The following BCL9L variants were observed in gnomAD, a reference collection of about 807,000 sequenced individuals.
BCL9L encodes B-cell CLL/lymphoma 9-like protein.
A neutral mutation model predicts 99.4 loss-of-function variants in BCL9L; 19 were observed. The observed-to-expected ratio is 0.19, with a 90% CI of 0.13 to 0.28. BCL9L has a LOEUF of 0.28. Among genes scored for constraint, BCL9L ranks in the 10% least tolerant of loss-of-function variants. The pLI, the probability that BCL9L is intolerant of heterozygous loss-of-function variation, is 1.00. For synonymous variants in BCL9L, 900 were observed against 854.8 expected (o/e 1.05, Z -0.92); for missense variants, 2,023 against 2,101.6 (o/e 0.96, Z 0.73).
chr11:118,903,768 G>A lies in BCL9L; in HGVS notation c.533-316C>T, dbSNP rs1452323449. Among the ~76,000 whole-genome samples, 1 of 152,190 alleles carries A rather than the reference G, an allele frequency of 6.6e-6. No homozygotes were observed. Among genetic ancestry groups the A allele is most frequent in the East Asian group, 1.9e-4 (1 of 5,194 alleles). On this transcript the variant is annotated intron_variant, in intron 5 of 9. Coordinates refer to ENST00000683865, the MANE Select transcript of BCL9L (RefSeq NM_001378213.1). This position sits in a 1 kb window ranked among gnomAD's most constrained non-coding sequence, Gnocchi z 5.6. ...GTCACACACTCCACTTAACAAAGGA[G>A]GAAATAAGTTCCTCACCCACAGTTA...
chr11:118,913,021 C>T (rs1042821946), intron 2 of BCL9L, among the ~76,000 whole-genome samples: 2 of 152,120 alleles, frequency 1.3e-5, no homozygotes, highest in African/African-American at 2.4e-5. Flanking sequence ...GGTGACTCAG[C>T]GGGCAGGGAG....
Position 118,908,364 on chromosome 11 carries a change from C to G in BCL9L, c.318G>C (p.Ser106=). Residue 106 remains serine, a synonymous_variant, in exon 4 of 10, where the codon TCG becomes TCC. Coordinates refer to ENST00000683865, the MANE Select transcript of BCL9L (RefSeq NM_001378213.1). ...GGTCCCTCTTCACCTTGCCCTTGAGCGAGCTGAAAGGGGGCACCCCTGCCT... is the reference window on the plus strand; with the variant it reads ...GGTCCCTCTTCACCTTGCCCTTGAGGGAGCTGAAAGGGGGCACCCCTGCCT... The part of the protein sequence containing the change: ...NPQAGVPPFS[S]LKGKVKRDRS... The G allele has an allele frequency of 6.2e-7, 1 of 1,613,502 alleles. No individual in the cohort carries two copies. The highest frequency in any genetic ancestry group is 8.5e-7 in the Non-Finnish European group (1 of 1,179,662).
Position 118,921,693 on chromosome 11 carries a change from G to A in BCL9L, c.-130-2814C>T, listed in dbSNP as rs1941145546. On this transcript the variant is annotated intron_variant, in intron 1 of 9. Transcript: ENST00000683865. This position sits in a 1 kb window ranked among gnomAD's most constrained non-coding sequence, Gnocchi z 5.4. ...CTGCAAAGGAGAGGCCTCTGCTTTT[G>A]CCACTGACAGGAAAAGTGAGAAGGC... Among the ~76,000 whole-genome samples the A allele has an allele frequency of 6.6e-6, 1 of 152,118 alleles. No individual in the cohort carries two copies. The highest frequency in any genetic ancestry group is 1.5e-5 in the Non-Finnish European group (1 of 68,014).
In BCL9L at chr11:118,903,423, C is replaced by T; in HGVS notation, c.562G>A (p.Ala188Thr). 1 of 1,613,002 alleles carries T rather than the reference C, an allele frequency of 6.2e-7. No homozygotes were observed. The highest frequency in any genetic ancestry group is 1.7e-5 in the Admixed American group (1 of 59,958). ...NCNVADPAMA[A>T]PQLGPGQTTQ... The stretch of plus-strand genomic sequence containing the variant: ...GTTTGGCCGGGACCCAGCTGTGGGG[C>T]CGCCATGGCTGGGTCTGCTACATTA... Residue 188 changes from alanine to threonine, a missense_variant, in exon 6 of 10, where the codon GCC becomes ACC. By Grantham distance (58) the Ala-to-Thr change is moderately conservative. Coordinates refer to ENST00000683865, the MANE Select transcript of BCL9L (RefSeq NM_001378213.1). This position sits in a 1 kb window ranked among gnomAD's most constrained non-coding sequence, Gnocchi z 5.6.
At position 118,900,447 on chromosome 11, in the gene BCL9L, T is replaced by C. The variant is rs1320354669; in HGVS notation, c.3124+172A>G. On this transcript the variant is annotated intron_variant, in intron 8 of 9. Coordinates refer to ENST00000683865, the MANE Select transcript of BCL9L (RefSeq NM_001378213.1). This position sits in a 1 kb window ranked among gnomAD's most constrained non-coding sequence, Gnocchi z 5.3. ...ACTCAAAATGCCTGGGAGACTCACG[T>C]GGTACCCCCTGAGAAAGCCCACAAA... 6.6e-6 allele frequency among the ~76,000 whole-genome samples: 1 copy of C among 152,106 alleles called. No individual in the cohort carries two copies. The highest frequency in any genetic ancestry group is 1.5e-5 in the Non-Finnish European group (1 of 68,014).
rs1002602581 is a variant in BCL9L at position 118,921,987 on chromosome 11, G to A, written c.-130-3108C>T. On this transcript the variant is annotated intron_variant, in intron 1 of 9. Coordinates refer to ENST00000683865, the MANE Select transcript of BCL9L (RefSeq NM_001378213.1). The surrounding 1 kb of genome is among the most constrained non-coding windows in gnomAD (Gnocchi z 5.4). ...GAGCAGGCTGTGGGCATCCCCCTGG[G>A]AACCCAAGGCTTTCTTCCTCTCCAC... Among the ~76,000 whole-genome samples, 4 of 152,130 alleles carry A rather than the reference G, an allele frequency of 2.6e-5. No homozygotes were observed. The highest frequency in any genetic ancestry group is 7.2e-5 in the African/African-American group (3 of 41,410).
In BCL9L at chr11:118,901,407, T is replaced by C; in HGVS notation, c.2336A>G (p.Asn779Ser). 1.9e-6 allele frequency: 3 copies of C among 1,614,030 alleles called. No individual in the cohort carries two copies. Among genetic ancestry groups the C allele is most frequent in the East Asian group, 2.2e-5 (1 of 44,848 alleles). Residue 779 changes from asparagine (N) to serine (S), a missense_variant, in exon 8 of 10, where the codon AAC becomes AGC. Around this residue, in one of 3 missense-constraint regions of BCL9L, gnomAD observed 1,116 missense variants for 1,194.6 expected, o/e 0.93. Transcript: ENST00000683865. This position sits in a 1 kb window ranked among gnomAD's most constrained non-coding sequence, Gnocchi z 6.6. ...NLNMNMNVNM[N>S]MNMNLNVQMT... ...CTGCACGTTCAGGTTCATGTTCATG[T>C]TCATGTTGACATTCATGTTCATGTT... is the stretch of plus-strand genomic sequence containing the variant.
In BCL9L at chr11:118,918,565, C is replaced by G. The variant is rs375174507; in HGVS notation, c.-77+261G>C. 4.6e-5 allele frequency among the ~76,000 whole-genome samples: 7 copies of G among 151,958 alleles called. No homozygotes were observed. The East Asian group carries it at 1.4e-3, about 29-fold the overall frequency. ...GGGCTGGACTCTCACTGGAGCCTGGCTCTAACCCCTCCCAGCCCGGCCCCA... is the reference window on the plus strand; with the variant it reads ...GGGCTGGACTCTCACTGGAGCCTGGGTCTAACCCCTCCCAGCCCGGCCCCA... On this transcript the variant is annotated intron_variant, in intron 2 of 9. Coordinates refer to ENST00000683865, the MANE Select transcript of BCL9L (RefSeq NM_001378213.1).
rs35636302 is a variant in BCL9L, at chr11:118,897,757, CTTTT to C, written c.*654_*657del. The C allele has an allele frequency of 1.2e-5, 5 of 415,234 alleles. No individual in the cohort carries two copies. Among genetic ancestry groups the C allele is most frequent in the Non-Finnish European group, 2.4e-5 (5 of 208,310 alleles). 25.7% of individuals were successfully genotyped at this position (415,234 alleles called of 1,614,324 possible). ...GAAGGGGGGAAGGGTTTCTTTTATC[CTTTT>C]TTTTTTGTGTGACTTCTATCAAAAC... is the stretch of plus-strand genomic sequence containing the variant. On this transcript the variant is annotated 3_prime_UTR_variant, in exon 10 of 10. Coordinates refer to ENST00000683865, the MANE Select transcript of BCL9L (RefSeq NM_001378213.1).
Position 118,898,420 on chromosome 11 carries a change from A to T in BCL9L, c.4495T>A (p.Phe1499Ile). ...PAPGGMANLP[F>I] The stretch of plus-strand genomic sequence containing the variant: ...TCCAGCCCTGGCAGCGACTTCTAGA[A>T]GGGCAGGTTGGCCATGCCGCCTGGT... The change falls in exon 10 of 10, where the codon TTC (phenylalanine) becomes ATC (isoleucine). Residue 1499 changes from phenylalanine to isoleucine, a missense_variant. Transcript: ENST00000683865. 1 of 1,601,348 alleles carries T rather than the reference A, an allele frequency of 6.2e-7. No individual in the cohort carries two copies. The highest frequency in any genetic ancestry group is 1.1e-5 in the South Asian group (1 of 90,512).
chr11:118,906,811 C>A (rs1348427247), intron 5 of BCL9L, among the ~76,000 whole-genome samples: 3 of 152,104 alleles, frequency 2.0e-5, no homozygotes, highest in Non-Finnish European at 4.4e-5. Flanking sequence ...TGACAGCCAC[C>A]ACACCCAGCC....
intron 1 of BCL9L, among the ~76,000 whole-genome samples, chr11:118,919,264 A>C (rs1941077090): frequency 6.6e-6 from 1 of 151,338 alleles, no homozygotes; most frequent in African/African-American, 2.4e-5. Flanking sequence ...TGGCCTGAGG[A>C]CCTGGGGGAG....
intron 1 of BCL9L, among the ~76,000 whole-genome samples, chr11:118,924,933 G>A (rs973159643): frequency 1.7e-4 from 26 of 152,226 alleles, no homozygotes; most frequent in African/African-American, 5.8e-4. Context: ...AAGCCCCCAG[G>A]GCAAGGTTCG....
In BCL9L at chr11:118,901,963, C is replaced by T. The variant is rs778355409; in HGVS notation, c.1780G>A (p.Gly594Ser). 3.1e-6 allele frequency: 5 copies of T among 1,612,748 alleles called. No individual in the cohort carries two copies. The East Asian group carries it at 1.1e-4, about 36-fold the overall frequency. Reference protein sequence around the residue: ...MDVQDPMQLRGGPPFPGPRFP... With the variant: ...MDVQDPMQLRSGPPFPGPRFP... ...CGGGGCCCAGGAAAGGGAGGTCCGC[C>T]CCGGAGCTGCATGGGATCTTGAACA... Residue 594 changes from glycine (G) to serine (S), a missense_variant, in exon 8 of 10, where the codon GGC (glycine) becomes AGC (serine). Coordinates refer to ENST00000683865, the MANE Select transcript of BCL9L (RefSeq NM_001378213.1). The surrounding 1 kb of genome is among the most constrained non-coding windows in gnomAD (Gnocchi z 6.6).
Position 118,900,936 on chromosome 11 carries a change from G to T in BCL9L, c.2807C>A (p.Thr936Asn), listed in dbSNP as rs373434604. 6.4e-6 allele frequency: 10 copies of T among 1,561,738 alleles called. No homozygotes were observed. Among genetic ancestry groups the T allele is most frequent in the Non-Finnish European group, 8.7e-6 (10 of 1,151,284 alleles). The change falls in exon 8 of 10, where the codon ACC becomes AAC. Residue 936 changes from threonine (T) to asparagine (N), a missense_variant. By Grantham distance (65) the Thr-to-Asn change is moderately conservative. Around this residue, in one of 3 missense-constraint regions of BCL9L, gnomAD observed 902 missense variants for 888.2 expected, o/e 1.02. Coordinates refer to ENST00000683865, the MANE Select transcript of BCL9L (RefSeq NM_001378213.1). The surrounding 1 kb of genome is among the most constrained non-coding windows in gnomAD (Gnocchi z 5.3). ...SPGMGHLKSP[T>N]LSQVHSPLVT... ...CAGGGGTGAGTGCACCTGGCTAAGG[G>T]TGGGCGACTTCAAGTGCCCCATGCC...
chr11:118,908,737 T>A, intron 3 of BCL9L, 82 bp from the exon 4 acceptor site: 1 of 1,239,372 alleles, frequency 8.1e-7, no homozygotes, highest in Non-Finnish European at 1.1e-6. Flanking sequence ...CCATCCTGCC[T>A]CCCCTAACAA....
chr11:118,904,770 G>A (rs1940438295), intron 5 of BCL9L, among the ~76,000 whole-genome samples: 1 of 152,226 alleles, frequency 6.6e-6, no homozygotes, highest in Non-Finnish European at 1.5e-5. Context: ...CCCAGTGTCA[G>A]GCTGCCCTCT....
intron 1 of BCL9L, among the ~76,000 whole-genome samples, chr11:118,920,700 T>A (rs1816044971): frequency 6.6e-6 from 1 of 151,728 alleles, no homozygotes; most frequent in Admixed American, 6.6e-5. Flanking sequence ...GGTGGACAGG[T>A]GGTATGAGGA....
Position 118,901,431 on chromosome 11 carries a change from T to G in BCL9L, c.2312A>C (p.Asn771Thr). 6.2e-7 allele frequency: 1 copy of G among 1,614,108 alleles called. No individual in the cohort carries two copies. The highest frequency in any genetic ancestry group is 8.5e-7 in the Non-Finnish European group (1 of 1,179,990). ...VDPPMGPGNL[N>T]MNMNVNMNMN... ...GTTCATGTTGACATTCATGTTCATGTTGAGGTTGCCTGGCCCCATGGGTGG... is the reference window on the plus strand; with the variant it reads ...GTTCATGTTGACATTCATGTTCATGGTGAGGTTGCCTGGCCCCATGGGTGG... Residue 771 changes from asparagine to threonine, a missense_variant, in exon 8 of 10, where the codon AAC (asparagine) becomes ACC (threonine). By Grantham distance (65) the Asn-to-Thr change is moderately conservative (BLOSUM62 0). This residue lies in a region of BCL9L where 1,116 missense variants were observed against 1,194.6 expected (regional missense o/e 0.93). Transcript: ENST00000683865. The surrounding 1 kb of genome is among the most constrained non-coding windows in gnomAD (Gnocchi z 6.6).
Sources: gnomAD v4.1 joint callset for allele counts (sites outside exome capture counted in the v4.1 genomes callset) on GRCh38, gnomAD v4.1.1 for gene constraint, gnomAD v4.1.1 regional missense constraint, Gnocchi (gnomAD v3.1) non-coding constraint, MANE v1.5 for transcripts, NCBI Gene and HGNC (gene_info 2026-07-23, HGNC 2026-07-21) for gene names.